Variants in SV2B observed in about 807,000 individuals in gnomAD.
The protein encoded by SV2B is synaptic vesicle glycoprotein 2B, also known as solute carrier family 22 member B2.
SV2B carries 41 observed loss-of-function variants against 73.9 expected under a neutral mutation model. The ratio of observed to expected loss-of-function variants is 0.56; its 90% CI spans 0.43 to 0.72. The LOEUF (loss-of-function observed/expected upper bound fraction) is 0.72. SV2B is among the 30% of genes least tolerant of loss of function. The pLI, the probability that SV2B is intolerant of heterozygous loss-of-function variation, is 0.00. For synonymous variants in SV2B, 314 were observed against 314.2 expected (o/e 1.00, Z 0.01); for missense variants, 764 against 857.8 (o/e 0.89, Z 1.37).
In SV2B at chr15:91,234,917, C is replaced by T. The variant is rs1172360169; in HGVS notation, c.451+8203C>T. 6.6e-6 allele frequency among the ~76,000 whole-genome samples: 1 copy of T among 152,186 alleles called. No individual in the cohort carries two copies. Among genetic ancestry groups the T allele is most frequent in the Non-Finnish European group, 1.5e-5 (1 of 68,042 alleles). ...TAATTCCAAGAGACTGAAAACGTCA[C>T]TGTGGCCCATCAGTCAGAGTAGGAG... On this transcript the variant is annotated intron_variant, in intron 2 of 12. Transcript: ENST00000394232. This position sits in a 1 kb window ranked among gnomAD's most constrained non-coding sequence, Gnocchi z 5.6.
At chr15:91,246,713 ACCTCCTCCTCCTCCTCCT>A (rs3837743) in intron 2 of SV2B, among the ~76,000 whole-genome samples, 1 of 141,754 alleles carries the variant, frequency 7.1e-6, no homozygotes, top group African/African-American at 2.6e-5. Flanking sequence ...CCTCCTTTCA[ACCTCCTCCTCCTCCTCCT>A]CCTCCTCCTC....
At chr15:91,164,446 A>T (rs1194457092) in intron 1 of SV2B, among the ~76,000 whole-genome samples, 1 of 152,180 alleles carries the variant, frequency 6.6e-6, no homozygotes, top group Admixed American at 6.5e-5. Flanking sequence ...ACTGTGTCAA[A>T]TCCTTCTTAT....
At chr15:91,260,240 T>C in intron 5 of SV2B, 80 bp from the exon 6 acceptor site, 2 of 1,253,768 alleles carry the variant, frequency 1.6e-6, no homozygotes, top group East Asian at 2.4e-5. Context: ...CCCATTGAGT[T>C]TGTAGGATTT....
chr15:91,117,347 G>T (rs2042209670), intron 1 of SV2B, among the ~76,000 whole-genome samples: 1 of 152,246 alleles, frequency 6.6e-6, no homozygotes, highest in Non-Finnish European at 1.5e-5. Flanking sequence ...ACAATACAGT[G>T]CTCAGCACAA....
In SV2B at chr15:91,110,562, C is replaced by T. The variant is rs918420110; in HGVS notation, c.-392+10199C>T. ...CACGCAGAATCTGACCGTGGCCTCT[C>T]GCCTGATCTGGGGTGCAGCAGATGG... On this transcript the variant is annotated intron_variant, in intron 1 of 12. Coordinates refer to ENST00000394232, the MANE Select transcript of SV2B (RefSeq NM_001323032.3). The surrounding 1 kb of genome is among the most constrained non-coding windows in gnomAD (Gnocchi z 5.4). Among the ~76,000 whole-genome samples the T allele has an allele frequency of 2.6e-5, 4 of 152,314 alleles. No individual in the cohort carries two copies. The highest frequency in any genetic ancestry group is 1.9e-4 in the East Asian group (1 of 5,184).
At chr15:91,264,518 G>A (rs1366066798) in intron 6 of SV2B, among the ~76,000 whole-genome samples, 1 of 152,176 alleles carries the variant, frequency 6.6e-6, no homozygotes, top group Admixed American at 6.5e-5. Context: ...AGATAATACA[G>A]CCAGTGTCCA....
At chr15:91,208,808 TCTC>T (rs1567346111) in intron 1 of SV2B, among the ~76,000 whole-genome samples, 3 of 152,128 alleles carry the variant, frequency 2.0e-5, no homozygotes. Context: ...CTCACACTCA[TCTC>T]CTTCTTCTGC....
In SV2B at chr15:91,292,560, A is replaced by G. The variant is rs773018656; in HGVS notation, c.*8A>G. On this transcript the variant is annotated 3_prime_UTR_variant, in exon 13 of 13. Coordinates refer to ENST00000394232, the MANE Select transcript of SV2B (RefSeq NM_001323032.3). ...GAACAGGTCCTGATGTGAACAACCTATGGGAAAAGGAAAGGTCGAGAGAAT... is the reference window on the plus strand; with the variant it reads ...GAACAGGTCCTGATGTGAACAACCTGTGGGAAAAGGAAAGGTCGAGAGAAT... The G allele has an allele frequency of 6.8e-6, 11 of 1,608,318 alleles. No homozygotes were observed. Among genetic ancestry groups the G allele is most frequent in the Non-Finnish European group, 7.6e-6 (9 of 1,177,872 alleles).
At chr15:91,286,999 G>T (rs1187799813) in intron 11 of SV2B, among the ~76,000 whole-genome samples, 2 of 152,204 alleles carry the variant, frequency 1.3e-5, no homozygotes, top group African/African-American at 4.8e-5. Context: ...TGTAAGCCAA[G>T]CCCCATGGCT....
chr15:91,133,420 G>A (rs1395064513), intron 1 of SV2B, among the ~76,000 whole-genome samples: 2 of 151,694 alleles, frequency 1.3e-5, no homozygotes, highest in African/African-American at 4.8e-5. Flanking sequence ...TTTTGGTTGA[G>A]GTTCTCTGCT....
chr15:91,289,448 A>C lies in SV2B; in HGVS notation c.1709-73A>C, dbSNP rs2048967793. The C allele has an allele frequency of 1.2e-6, 2 of 1,600,562 alleles. No individual in the cohort carries two copies. Among genetic ancestry groups the C allele is most frequent in the East Asian group, 4.5e-5 (2 of 44,790 alleles). On this transcript the variant is annotated intron_variant, in intron 11 of 12. Coordinates refer to ENST00000394232, the MANE Select transcript of SV2B (RefSeq NM_001323032.3). This position sits in a 1 kb window ranked among gnomAD's most constrained non-coding sequence, Gnocchi z 4.9. ...TACCAGTGAGGGTGGGAGATGGGGC[A>C]AGAACTGTGAGTGACAGCCATGTGC... is the stretch of plus-strand genomic sequence containing the variant.
chr15:91,176,178 T>G (rs1344455943), intron 1 of SV2B, among the ~76,000 whole-genome samples: 2 of 152,140 alleles, frequency 1.3e-5, no homozygotes, highest in Non-Finnish European at 2.9e-5. Context: ...CTGAGAATGA[T>G]GATTTCTGAT....
chr15:91,281,610 A>G lies in SV2B; in HGVS notation c.1374-118A>G, dbSNP rs2048684024. On this transcript the variant is annotated intron_variant, in intron 9 of 12. Transcript: ENST00000394232. This position sits in a 1 kb window ranked among gnomAD's most constrained non-coding sequence, Gnocchi z 4.7. The stretch of plus-strand genomic sequence containing the variant: ...GGGGAAGTGGTCTGGGTTGAAAATA[A>G]TGCTCTGGCACCTTTTGCTTGCACA... 8.2e-7 allele frequency: 1 copy of G among 1,219,526 alleles called. No individual in the cohort carries two copies. The allele number at this position is 1,219,526 out of a possible 1,614,324, so 75.5% of individuals were successfully genotyped here. A position where few individuals can be genotyped will look rare whatever the true frequency, so the allele number is the denominator to read the frequency against.
At chr15:91,174,197 C>T (rs1377765324) in intron 1 of SV2B, among the ~76,000 whole-genome samples, 1 of 152,116 alleles carries the variant, frequency 6.6e-6, no homozygotes, top group Non-Finnish European at 1.5e-5. Context: ...TGCAATAGAA[C>T]ATGAAAAATA....
In SV2B at chr15:91,278,678, C is replaced by CA. The variant is rs746732650; in HGVS notation, c.1374-3029dup. Among the ~76,000 whole-genome samples the CA allele has an allele frequency of 9.8e-3, 411 of 41,950 alleles. 17 individuals carry two copies. Among genetic ancestry groups the CA allele is most frequent in the Middle Eastern group, 0.033 (3 of 90 alleles). 27.5% of individuals were successfully genotyped at this position (41,950 alleles called of 152,430 possible). On this transcript the variant is annotated intron_variant, in intron 9 of 12. Coordinates refer to ENST00000394232, the MANE Select transcript of SV2B (RefSeq NM_001323032.3). ...TGGGCGACAGAGCGAGACTCCGTCT[C>CA]AAAAAAAAAAAAAAAAAAAAAGAAG...
At chr15:91,256,987 C>A (rs1253539704) in intron 4 of SV2B, among the ~76,000 whole-genome samples, 4 of 152,156 alleles carry the variant, frequency 2.6e-5, no homozygotes, top group Non-Finnish European at 5.9e-5. Flanking sequence ...ATCCAAATAA[C>A]TATTGCCCTC....
rs2141854479 is a variant in SV2B at position 91,301,991 on chromosome 15, C to T, written c.*9439C>T. 6.6e-6 allele frequency among the ~76,000 whole-genome samples: 1 copy of T among 152,316 alleles called. No individual in the cohort carries two copies. The highest frequency in any genetic ancestry group is 2.1e-4 in the South Asian group (1 of 4,830). On this transcript the variant is annotated 3_prime_UTR_variant, in exon 13 of 13. Coordinates refer to ENST00000394232, the MANE Select transcript of SV2B (RefSeq NM_001323032.3). The surrounding 1 kb of genome is among the most constrained non-coding windows in gnomAD (Gnocchi z 4.3). Reference sequence around the variant, plus strand: ...GTATGGTATAATCACCCCACCAAACCTCTTCCAAAAGAAGCCAGGGTCATC... The same window carrying T: ...GTATGGTATAATCACCCCACCAAACTTCTTCCAAAAGAAGCCAGGGTCATC...
chr15:91,222,425 G>A (rs1596616276), intron 1 of SV2B, among the ~76,000 whole-genome samples: 1 of 152,126 alleles, frequency 6.6e-6, no homozygotes, highest in East Asian at 1.9e-4. Flanking sequence ...ATTACCACAC[G>A]ATGCTTTGTG....
chr15:91,217,119 T>C lies in SV2B; in HGVS notation c.-391-8754T>C, dbSNP rs140207659. Among the ~76,000 whole-genome samples the C allele has an allele frequency of 0.011, 1,741 of 152,216 alleles. 43 individuals are homozygous for C. In the East Asian group the frequency reaches 0.12, roughly 10 times the overall value. ...CTTGAACTCCTGACCTCAGATGATC[T>C]GCCCGCCTCAGCATCCCAAAGTGCT... On this transcript the variant is annotated intron_variant, in intron 1 of 12. Transcript: ENST00000394232.
Sources: gnomAD v4.1 joint callset for allele counts (sites outside exome capture counted in the v4.1 genomes callset) on GRCh38, gnomAD v4.1.1 for gene constraint, Gnocchi (gnomAD v3.1) non-coding constraint, MANE v1.5 for transcripts, NCBI Gene and HGNC (gene_info 2026-07-23, HGNC 2026-07-21) for gene names.